PCNT: variants seen among roughly 807,000 people sequenced by gnomAD.
PCNT encodes kendrin.
A neutral mutation model predicts 380.4 loss-of-function variants in PCNT; 319 were observed. The observed-to-expected ratio is 0.84, with a 90% confidence interval of 0.77 to 0.92. The LOEUF (loss-of-function observed/expected upper bound fraction) is 0.92, where lower values mean the gene tolerates loss of function less well. Among genes scored for constraint, PCNT ranks in the 40% least tolerant of loss-of-function variants. The pLI, the probability that PCNT is intolerant of heterozygous loss-of-function variation, is 0.00. For synonymous variants in PCNT, 1,845 were observed against 1,735.2 expected, an observed-to-expected ratio of 1.06 and a Z score of -1.57; for missense variants, 4,400 against 4,255.3, an observed-to-expected ratio of 1.03 and a Z score of -0.95.
In PCNT at chr21:46,412,018, T is replaced by C; in HGVS notation, c.5945T>C (p.Val1982Ala). The stretch of plus-strand genomic sequence containing the variant: ...GCCAAGGCCCAGGTCACCGGCGACG[T>C]GGAGGCCTCCCATGATGCTGCTTTG... ...GGAKAQVTGDVEASHDAALEP... is the reference protein window; with the variant it reads ...GGAKAQVTGDAEASHDAALEP... The change falls in exon 28 of 47, where the codon GTG becomes GCG. Residue 1982 changes from valine to alanine, a missense_variant. Transcript: ENST00000359568. The C allele has an allele frequency of 2.5e-6, 4 of 1,607,998 alleles. No homozygotes were observed. Among genetic ancestry groups the C allele is most frequent in the Non-Finnish European group, 3.4e-6 (4 of 1,179,824 alleles).
chr21:46,341,137 C>G (rs1461553112), intron 3 of PCNT, among the ~76,000 whole-genome samples: 1 of 152,192 alleles, frequency 6.6e-6, no homozygotes, highest in African/African-American at 2.4e-5. Context: ...CCCACCTTGG[C>G]CTCCCAAAGT....
intron 1 of PCNT, among the ~76,000 whole-genome samples, chr21:46,325,900 C>G (rs1047308897): frequency 6.6e-6 from 1 of 152,286 alleles, no homozygotes; most frequent in Non-Finnish European, 1.5e-5. Flanking sequence ...TGAGATTGAC[C>G]TGGCTTAATT....
intron 8 of PCNT, 63 bp from the exon 9 acceptor site, chr21:46,351,366 T>TC: frequency 2.3e-6 from 2 of 878,044 alleles, no homozygotes; most frequent in Non-Finnish European, 3.9e-6. Context: ...ACCGCACACG[T>TC]CACTGCTGGG....
intron 32 of PCNT, among the ~76,000 whole-genome samples, chr21:46,424,688 TGCTCCCCCG>T (rs2087412374): frequency 3.4e-5 from 2 of 59,304 alleles, no homozygotes; most frequent in Admixed American, 1.6e-4. Context: ...CCCGCCGCCC[TGCTCCCCCG>T]GCCCTGCTCC....
chr21:46,387,366 G>A (rs1349203569), intron 17 of PCNT, among the ~76,000 whole-genome samples: 3 of 152,102 alleles, frequency 2.0e-5, no homozygotes, highest in East Asian at 3.8e-4. Flanking sequence ...GTGGGCGAGC[G>A]AGAGCTCTAA....
chr21:46,445,344 C>CT lies in PCNT; in HGVS notation c.*20dup. 6.3e-7 allele frequency: 1 copy of CT among 1,584,078 alleles called. No individual in the cohort carries two copies. The highest frequency in any genetic ancestry group is 1.7e-5 in the Admixed American group (1 of 59,990). On this transcript the variant is annotated 3_prime_UTR_variant, in exon 47 of 47. Transcript: ENST00000359568. ...AAACAGTGAATAAAATGTCATGGCT[C>CT]TTTCCTGCGACAATTCTATTTGAGG...
At chr21:46,352,121 G>A (rs1391585748) in intron 9 of PCNT, among the ~76,000 whole-genome samples, 5 of 152,238 alleles carry the variant, frequency 3.3e-5, no homozygotes, top group East Asian at 1.9e-4. Flanking sequence ...TTCAGGCACC[G>A]GCGCCCAGGT....
Position 46,440,965 on chromosome 21 carries a change from A to G in PCNT, c.9504A>G (p.Gln3168=). ...LLIGGFQDSE[Q]ETLSMIAHLG... is the part of the protein sequence containing the mutation. The stretch of plus-strand genomic sequence containing the variant: ...TTGGTGGATTCCAGGATTCTGAACA[A>G]GAAACACTCTCCATGATTGCCCATT... Residue 3168 remains glutamine (Q), a synonymous_variant, in exon 43 of 47, where the codon CAA becomes CAG. Transcript: ENST00000359568. The G allele has an allele frequency of 1.2e-6, 2 of 1,613,448 alleles. No individual in the cohort carries two copies. Among genetic ancestry groups the G allele is most frequent in the Non-Finnish European group, 1.7e-6 (2 of 1,179,306 alleles).
chr21:46,442,139 G>A (rs1042922440), intron 43 of PCNT, among the ~76,000 whole-genome samples: 1 of 152,182 alleles, frequency 6.6e-6, no homozygotes. Flanking sequence ...CACACCAGGC[G>A]GGAGCGGCAT....
At chr21:46,330,215 T>C (rs1326780730) in intron 2 of PCNT, among the ~76,000 whole-genome samples, 1 of 152,026 alleles carries the variant, frequency 6.6e-6, no homozygotes, top group Non-Finnish European at 1.5e-5. Context: ...CCTCCTGGCC[T>C]CAAGTGACCC....
At chr21:46,443,582 C>T (rs2053669021) in intron 44 of PCNT, among the ~76,000 whole-genome samples, 2 of 152,146 alleles carry the variant, frequency 1.3e-5, no homozygotes, top group South Asian at 4.1e-4. Flanking sequence ...CCCCCCTGCC[C>T]CGCACTCCCC....
At chr21:46,351,395 T>G in intron 8 of PCNT, 34 bp from the exon 9 acceptor site, 1 of 1,181,848 alleles carries the variant, frequency 8.5e-7, no homozygotes, top group Non-Finnish European at 1.3e-6. Flanking sequence ...CTTGAGCTCA[T>G]TAGGGTTTCA....
intron 13 of PCNT, 76 bp from the exon 14 acceptor site, chr21:46,363,404 G>A (rs1214691918): frequency 2.7e-6 from 3 of 1,094,314 alleles, no homozygotes; most frequent in African/African-American, 3.1e-5. Flanking sequence ...GTCTTCAGAG[G>A]TGGGTTTGGG....
At chr21:46,360,673 C>A (rs1226078444) in intron 13 of PCNT, among the ~76,000 whole-genome samples, 3 of 152,034 alleles carry the variant, frequency 2.0e-5, no homozygotes, top group Non-Finnish European at 4.4e-5. Context: ...CGTCCGCCAC[C>A]ACACCCAGCT....
chr21:46,370,167 G>A (rs567915092), intron 15 of PCNT, among the ~76,000 whole-genome samples: 3 of 151,976 alleles, frequency 2.0e-5, no homozygotes, highest in East Asian at 3.9e-4. Flanking sequence ...GTGCAGCTTC[G>A]TGGGGGCAGA....
Position 46,353,994 on chromosome 21 carries a change from TG to T in PCNT, c.1688del (p.Cys563LeufsTer4), listed in dbSNP as rs2084378822. ...AAAATGTTTTCCCTTCAGGTTGTCC[TG>T]TGTGGGTTTAGAAGAGAAACCTGAG... ...LLDSVEVGLS[C>X]VGLEEKPEKG... On this transcript the variant is annotated frameshift_variant, in exon 11 of 47. Coordinates refer to ENST00000359568, the MANE Select transcript of PCNT (RefSeq NM_006031.6). LOFTEE classifies it high-confidence loss of function. 6.2e-7 allele frequency: 1 copy of T among 1,613,602 alleles called. No homozygotes were observed.
At chr21:46,382,162 G>GTGT (rs1205478688) in intron 16 of PCNT, among the ~76,000 whole-genome samples, 5 of 138,340 alleles carry the variant, frequency 3.6e-5, no homozygotes, top group African/African-American at 1.3e-4. Flanking sequence ...CGCATTCATA[G>GTGT]TGTAGATTCA....
At position 46,366,716 on chromosome 21, in the gene PCNT, A is replaced by G. The variant is rs587784301; in HGVS notation, c.2742A>G (p.Ser914=). Residue 914 remains serine (S), a synonymous_variant, in exon 15 of 47, where the codon TCA becomes TCG. Coordinates refer to ENST00000359568, the MANE Select transcript of PCNT (RefSeq NM_006031.6). The stretch of plus-strand genomic sequence containing the variant: ...AGAGACACCAGCAGCAGCTCCTGTC[A>G]GTGACGGCGGAGCTCGAGGCCAGAC... ...LQERHQQQLL[S]VTAELEARHQ... The G allele has an allele frequency of 6.2e-7, 1 of 1,613,724 alleles. No individual in the cohort carries two copies. Among genetic ancestry groups the G allele is most frequent in the Non-Finnish European group, 8.5e-7 (1 of 1,180,030 alleles).
chr21:46,349,236 T>G (rs775157407), intron 7 of PCNT, 50 bp downstream of exon 7: 1 of 1,415,808 alleles, frequency 7.1e-7, no homozygotes, highest in South Asian at 1.2e-5. Flanking sequence ...TTTTCCTAGG[T>G]AGTACTGGAA....
Sources: allele counts gnomAD v4.1 joint callset (sites outside exome capture counted in the v4.1 genomes callset), GRCh38; gene constraint gnomAD v4.1.1; transcripts MANE v1.5; gene names NCBI Gene and HGNC (gene_info 2026-07-23, HGNC 2026-07-21).